The following ZNF69 variants were observed in gnomAD, a reference collection of about 807,000 sequenced individuals.
ZNF69 encodes ZNF3.
Under a neutral mutation model 50.9 loss-of-function variants are expected in ZNF69, and 47 were observed. The ratio of observed to expected loss-of-function variants is 0.92; its 90% CI spans 0.73 to 1.18. The LOEUF is 1.18. Among genes scored for constraint, ZNF69 ranks in the 50% most tolerant of loss-of-function variants. The pLI is 0.00. For missense variants in ZNF69, 717 were observed against 675.1 expected (o/e 1.06, Z -0.69); for synonymous variants, 216 against 223.1 (o/e 0.97, Z 0.29).
At chr19:11,930,735 T>C in the ZNF69 span, among the ~76,000 whole-genome samples, 1 of 148,180 alleles carries the variant, frequency 6.7e-6, no homozygotes, top group Non-Finnish European at 1.5e-5. Flanking sequence ...GTGTGGTGGC[T>C]CACGCCTGTA....
the ZNF69 span, among the ~76,000 whole-genome samples, chr19:11,946,601 G>A: frequency 5.9e-5 from 9 of 152,146 alleles, no homozygotes; most frequent in Admixed American, 5.9e-4. Flanking sequence ...GTAATCTTGT[G>A]CCATACCTTT....
At chr19:11,935,632 T>A in the ZNF69 span, among the ~76,000 whole-genome samples, 26,872 of 152,126 alleles carry the variant, frequency 0.18, 5,090 homozygotes, top group African/African-American at 0.48. Flanking sequence ...CGTTCTGCAA[T>A]TATTTTGTCC....
the ZNF69 span, chr19:11,978,892 G>A: frequency 6.2e-7 from 1 of 1,614,044 alleles, no homozygotes; most frequent in South Asian, 1.1e-5. Flanking sequence ...GCATTCCGTA[G>A]TTACAGATCC....
chr19:11,979,739 A>C, the ZNF69 span: 5 of 1,595,704 alleles, frequency 3.1e-6, no homozygotes, highest in Non-Finnish European at 4.3e-6. Context: ...GAAAGCCTTC[A>C]GATCTGCCCC....
downstream of ZNF69, among the ~76,000 whole-genome samples, chr19:11,915,666 G>A (rs1363385371): frequency 1.3e-5 from 2 of 152,216 alleles, no homozygotes; most frequent in African/African-American, 2.4e-5. Context: ...CACTTTGGGA[G>A]GCCGAGGTGG....
chr19:11,978,645 G>T, the ZNF69 span: 5 of 1,613,846 alleles, frequency 3.1e-6, no homozygotes, highest in Non-Finnish European at 4.2e-6. Context: ...TAGTTATTCT[G>T]CTACCCATCG....
intron 1 of ZNF69, among the ~76,000 whole-genome samples, chr19:11,890,346 A>G (rs1977055548): frequency 6.6e-6 from 1 of 152,180 alleles, no homozygotes. Flanking sequence ...TTAACCGAGA[A>G]TGGAGAATGG....
the ZNF69 span, chr19:11,956,772 C>T: frequency 1.1e-5 from 4 of 377,508 alleles, no homozygotes; most frequent in Admixed American, 9.1e-5. Context: ...ATGAGAACTG[C>T]TTGAACTCGG....
chr19:11,974,072 T>TCTTTCTTA, the ZNF69 span, among the ~76,000 whole-genome samples: 23 of 61,502 alleles, frequency 3.7e-4, no homozygotes, highest in African/African-American at 1.1e-3. Context: ...TTCTTTCTTT[T>TCTTTCTTA]CTTTCTTTCT....
the ZNF69 span, among the ~76,000 whole-genome samples, chr19:11,945,985 G>A: frequency 3.2e-4 from 48 of 152,214 alleles, no homozygotes; most frequent in Non-Finnish European, 5.6e-4. Context: ...GGGGGTGACC[G>A]GGGTGGTTAC....
chr19:11,910,461 T>C (rs146341422), downstream of ZNF69, among the ~76,000 whole-genome samples: 6,144 of 152,240 alleles, frequency 0.04, 243 homozygotes, highest in African/African-American at 0.1. Flanking sequence ...ATGGTACTGG[T>C]ACCAAACAGA....
chr19:11,905,349 T>G lies in ZNF69; in HGVS notation c.952T>G (p.Tyr318Asp). 4 of 1,614,080 alleles carry G rather than the reference T, an allele frequency of 2.5e-6. No homozygotes were observed. Among genetic ancestry groups the G allele is most frequent in the Non-Finnish European group, 3.4e-6 (4 of 1,180,018 alleles). The change falls in exon 4 of 4, where the codon TAT becomes GAT. Residue 318 changes from tyrosine to aspartate, a missense_variant. Coordinates refer to ENST00000429654, the MANE Select transcript of ZNF69 (RefSeq NM_001364730.1). ...TGGAAAAGCATTCACGTGTCCCCAGTATGTTCGTATACATGAAAGGACCCA... is the reference window on the plus strand; with the variant it reads ...TGGAAAAGCATTCACGTGTCCCCAGGATGTTCGTATACATGAAAGGACCCA... ...ECGKAFTCPQYVRIHERTHSR... is the reference protein window; with the variant it reads ...ECGKAFTCPQDVRIHERTHSR...
At chr19:11,949,640 A>G in the ZNF69 span, 3 of 1,613,990 alleles carry the variant, frequency 1.9e-6, no homozygotes, top group South Asian at 1.1e-5. Context: ...TATGAATGCA[A>G]CCAATGTGGT....
chr19:11,948,980 GT>G, the ZNF69 span: 1 of 1,607,940 alleles, frequency 6.2e-7, no homozygotes, highest in Non-Finnish European at 8.5e-7. Flanking sequence ...GCATATACCA[GT>G]TCTCTTCGTA....
chr19:11,974,337 C>T, the ZNF69 span, among the ~76,000 whole-genome samples: 3 of 151,092 alleles, frequency 2.0e-5, no homozygotes, highest in East Asian at 5.9e-4. Flanking sequence ...GCTGGGATTA[C>T]AGGCGTGGTC....
chr19:11,916,882 T>C (rs1972527172), downstream of ZNF69, among the ~76,000 whole-genome samples: 1 of 152,112 alleles, frequency 6.6e-6, no homozygotes, highest in Non-Finnish European at 1.5e-5. Context: ...ATCACAGCCA[T>C]TTTCAGGATT....
chr19:11,904,510 G>C (rs1010736271), intron 3 of ZNF69, 139 bp from the exon 4 acceptor site: 75 of 1,260,484 alleles, frequency 6.0e-5, no homozygotes, highest in Non-Finnish European at 7.8e-5. Flanking sequence ...GGGTTGTCCA[G>C]TCACCTTCAA....
chr19:11,903,989 G>A (rs1235642984), intron 3 of ZNF69, 24 bp downstream of exon 3: 1 of 1,609,354 alleles, frequency 6.2e-7, no homozygotes, highest in Non-Finnish European at 8.5e-7. Context: ...ACAAGACAAA[G>A]CAGTGTCTCT....
At chr19:11,973,033 A>G in the ZNF69 span, among the ~76,000 whole-genome samples, 1 of 152,216 alleles carries the variant, frequency 6.6e-6, no homozygotes, top group Non-Finnish European at 1.5e-5. Flanking sequence ...AGAAACCAAT[A>G]TTATTATTAC....
Sources: gnomAD v4.1 joint callset for allele counts (sites outside exome capture counted in the v4.1 genomes callset) on GRCh38, gnomAD v4.1.1 for gene constraint, MANE v1.5 for transcripts, NCBI Gene and HGNC (gene_info 2026-07-23, HGNC 2026-07-21) for gene names.